The following ANKRD44 variants were observed in gnomAD, a reference collection of about 807,000 sequenced individuals.
The protein encoded by ANKRD44 is serine/threonine-protein phosphatase 6 regulatory ankyrin repeat subunit B.
ANKRD44 carries 35 observed loss-of-function variants against 116.0 expected under a neutral mutation model. That is an observed-to-expected ratio of 0.30 (90% CI 0.23 to 0.40). ANKRD44 has a LOEUF of 0.40. Among genes scored for constraint, ANKRD44 ranks in the 10% least tolerant of loss-of-function variants. The pLI, the probability that ANKRD44 is intolerant of heterozygous loss-of-function variation, is 1.00. For synonymous variants in ANKRD44, 435 were observed against 461.8 expected (o/e 0.94, Z 0.74); for missense variants, 1,014 against 1,242.6 (o/e 0.82, Z 2.77).
At chr2:197,086,797 G>T in intron 12 of ANKRD44, 49 bp from the exon 13 acceptor site, 2 of 1,560,762 alleles carry the variant, frequency 1.3e-6, no homozygotes, top group Non-Finnish European at 8.8e-7. Context: ...TCAATTACTG[G>T]CCTATCTTCA....
chr2:197,086,929 T>C (rs1397003126), intron 12 of ANKRD44, among the ~76,000 whole-genome samples, 181 bp from the exon 13 acceptor site: 2 of 152,220 alleles, frequency 1.3e-5, no homozygotes, highest in African/African-American at 4.8e-5. Context: ...AAAGTTCCTA[T>C]GATTCCTTTT....
chr2:197,234,212 A>C (rs1193146200), intron 1 of ANKRD44, among the ~76,000 whole-genome samples: 2 of 122,104 alleles, frequency 1.6e-5, no homozygotes, highest in Non-Finnish European at 3.4e-5. Flanking sequence ...TTTTTTTTTG[A>C]GACAGGGACT....
Position 197,069,664 on chromosome 2 carries a change from T to C in ANKRD44, c.1650+9039A>G, listed in dbSNP as rs77162078. Among the ~76,000 whole-genome samples, 1,212 of 152,258 alleles carry C rather than the reference T, an allele frequency of 8.0e-3. 20 individuals carry two copies. The highest frequency in any genetic ancestry group is 0.026 in the African/African-American group (1,069 of 41,546). The stretch of plus-strand genomic sequence containing the variant: ...AAATATATATTATATATTCAAGCTA[T>C]ATAATAATTCTTGAAATTAGGTAGA... On this transcript the variant is annotated intron_variant, in intron 16 of 27. Transcript: ENST00000282272.
intron 16 of ANKRD44, among the ~76,000 whole-genome samples, chr2:197,026,048 A>AAAAAAAC (rs936458331): frequency 2.5e-4 from 2 of 8,138 alleles, no homozygotes; most frequent in Non-Finnish European, 8.7e-4. Flanking sequence ...AAAAAGAAAC[A>AAAAAAAC]AAAAAAAAAA....
intron 1 of ANKRD44, among the ~76,000 whole-genome samples, chr2:197,218,077 A>G (rs1394133171): frequency 6.6e-6 from 1 of 152,156 alleles, no homozygotes; most frequent in Non-Finnish European, 1.5e-5. Flanking sequence ...GAAAAGAATA[A>G]TGGTCAAGAT....
chr2:196,983,926 G>T (rs1270300001), downstream of ANKRD44, among the ~76,000 whole-genome samples: 1 of 152,102 alleles, frequency 6.6e-6, no homozygotes, highest in Non-Finnish European at 1.5e-5. Context: ...GCCACATTTT[G>T]GTTTGATAAC....
intron 1 of ANKRD44, chr2:197,199,420 T>A (rs1396158086): frequency 6.6e-6 from 1 of 152,214 alleles, no homozygotes; most frequent in Non-Finnish European, 1.5e-5. Context: ...TATCTTTGTC[T>A]TATGTTTGCT....
chr2:197,284,105 A>G (rs59720330), intron 1 of ANKRD44, among the ~76,000 whole-genome samples: 3,356 of 152,308 alleles, frequency 0.022, 130 homozygotes, highest in African/African-American at 0.077. Context: ...AATATTTATG[A>G]GGCATATTGC....
At chr2:196,997,898 C>T (rs1001512719) in intron 25 of ANKRD44, among the ~76,000 whole-genome samples, 8 of 152,056 alleles carry the variant, frequency 5.3e-5, no homozygotes, top group Non-Finnish European at 1.2e-4. Context: ...ATTTGCTTCA[C>T]AGTAGAGTAT....
At chr2:197,078,678 G>A (rs751087789) in intron 16 of ANKRD44, 25 bp downstream of exon 16, 1 of 1,607,654 alleles carries the variant, frequency 6.2e-7, no homozygotes, top group Admixed American at 1.7e-5. Flanking sequence ...GTGTGTGTTA[G>A]AGAAAACAAA....
At chr2:197,191,807 CA>C (rs2080830390) in intron 1 of ANKRD44, among the ~76,000 whole-genome samples, 1 of 152,114 alleles carries the variant, frequency 6.6e-6, no homozygotes, top group Non-Finnish European at 1.5e-5. Flanking sequence ...CATACTAAAA[CA>C]AACAAACAAA....
At chr2:197,107,619 A>T (rs1397473191) in intron 9 of ANKRD44, among the ~76,000 whole-genome samples, 1 of 152,240 alleles carries the variant, frequency 6.6e-6, no homozygotes, top group African/African-American at 2.4e-5. Context: ...AAGCAGAGAA[A>T]ACTATTCAAA....
intron 21 of ANKRD44, among the ~76,000 whole-genome samples, chr2:196,978,776 T>TATA (rs1355633073): frequency 6.6e-6 from 1 of 151,846 alleles, no homozygotes; most frequent in Non-Finnish European, 1.5e-5. Flanking sequence ...CAATTATATC[T>TATA]CAATGGAGCT....
At chr2:196,979,243 T>A (rs758938418) in intron 21 of ANKRD44, among the ~76,000 whole-genome samples, 21 of 151,636 alleles carry the variant, frequency 1.4e-4, no homozygotes, top group Non-Finnish European at 2.8e-4. Context: ...AAAAATATTT[T>A]AAAAAATTAG....
At chr2:197,150,221 T>C (rs2079606511) in intron 2 of ANKRD44, among the ~76,000 whole-genome samples, 2 of 152,120 alleles carry the variant, frequency 1.3e-5, no homozygotes, top group South Asian at 4.1e-4. Flanking sequence ...GAATTAGGTG[T>C]CCTGGCTCCC....
At chr2:197,211,505 T>C (rs2081323329) in intron 1 of ANKRD44, among the ~76,000 whole-genome samples, 1 of 152,136 alleles carries the variant, frequency 6.6e-6, no homozygotes, top group South Asian at 2.1e-4. Flanking sequence ...AAAAATACGT[T>C]TTTAACTTAA....
At chr2:197,256,341 T>C (rs963511070) in intron 1 of ANKRD44, among the ~76,000 whole-genome samples, 3 of 152,206 alleles carry the variant, frequency 2.0e-5, no homozygotes, top group African/African-American at 7.2e-5. Flanking sequence ...CCTGCTGTTC[T>C]ATGATGTGTT....
chr2:197,122,619 G>T, intron 7 of ANKRD44, 31 bp downstream of exon 7: 1 of 1,605,508 alleles, frequency 6.2e-7, no homozygotes, highest in Non-Finnish European at 8.5e-7. Context: ...AAATACACTG[G>T]CCATGCATTG....
At chr2:197,003,010 T>C (rs905077443) in intron 21 of ANKRD44, among the ~76,000 whole-genome samples, 2 of 152,186 alleles carry the variant, frequency 1.3e-5, no homozygotes, top group African/African-American at 4.8e-5. Context: ...GTAATAAATA[T>C]AAAAAACTGG....
Sources: gnomAD v4.1 joint callset for allele counts (sites outside exome capture counted in the v4.1 genomes callset) on GRCh38, gnomAD v4.1.1 for gene constraint, MANE v1.5 for transcripts, NCBI Gene and HGNC (gene_info 2026-07-23, HGNC 2026-07-21) for gene names.